The following ZFHX2 variants were observed in gnomAD, a reference collection of about 807,000 sequenced individuals.
ZFHX2 encodes zinc finger homeobox 2, also known as zinc finger homeobox protein 2.
A neutral mutation model predicts 164.8 loss-of-function variants in ZFHX2; 75 were observed. That is an observed-to-expected ratio of 0.46 (90% confidence interval 0.38 to 0.55). The LOEUF is 0.55. Among genes scored for constraint, ZFHX2 ranks in the 20% least tolerant of loss-of-function variants. ZFHX2 has a pLI of 0.00. For missense variants in ZFHX2, 2,933 were observed against 3,308.0 expected, an observed-to-expected ratio of 0.89 and a Z score of 2.78; for synonymous variants, 1,217 against 1,351.4, an observed-to-expected ratio of 0.90 and a Z score of 2.18.
At chr14:23,549,082 G>A (rs1881692832) in intron 1 of ZFHX2, among the ~76,000 whole-genome samples, 1 of 151,834 alleles carries the variant, frequency 6.6e-6, no homozygotes, top group African/African-American at 2.4e-5. Flanking sequence ...CTTTACTACT[G>A]TATTAATTTC....
In ZFHX2 at chr14:23,525,942, G is replaced by T. The variant is rs1448403794; in HGVS notation, c.4000C>A (p.Arg1334=). Reference sequence around the variant, plus strand: ...GGGGTGAAGAGAGGGGCTGGGAATCGGTGCAGGTCCAAGGGAGGTGGGGGA... The same window carrying T: ...GGGGTGAAGAGAGGGGCTGGGAATCTGTGCAGGTCCAAGGGAGGTGGGGGA... ...SPPPPPLDLH[R]FPAPLFTPPV... is the part of the protein sequence containing the mutation. The change falls in exon 9 of 10, where the codon CGA becomes AGA. Residue 1334 remains arginine (R), a synonymous_variant. Coordinates refer to ENST00000419474, the MANE Select transcript of ZFHX2 (RefSeq NM_033400.3). The surrounding 1 kb of genome is among the most constrained non-coding windows in gnomAD (Gnocchi z 5.9). 5 of 1,478,330 alleles carry T rather than the reference G, an allele frequency of 3.4e-6. No individual in the cohort carries two copies. The highest frequency in any genetic ancestry group is 4.5e-6 in the Non-Finnish European group (5 of 1,117,548). 91.6% of individuals were successfully genotyped at this position (1,478,330 alleles called of 1,614,324 possible). A position where few individuals can be genotyped will look rare whatever the true frequency, so the allele number is the denominator to read the frequency against.
chr14:23,523,138 G>T lies in ZFHX2; in HGVS notation c.6739+65C>A. ...GCATGGGAAGAATCAGGAAGGAAAA[G>T]GAAGGGCATGTCATTAGAGGGGGAT... is the stretch of plus-strand genomic sequence containing the variant. On this transcript the variant is annotated intron_variant, in intron 9 of 9. Transcript: ENST00000419474. The surrounding 1 kb of genome is among the most constrained non-coding windows in gnomAD (Gnocchi z 4.1). The T allele has an allele frequency of 7.1e-7, 1 of 1,402,204 alleles. No homozygotes were observed. The highest frequency in any genetic ancestry group is 9.2e-7 in the Non-Finnish European group (1 of 1,083,572). 86.9% of individuals were successfully genotyped at this position (1,402,204 alleles called of 1,614,324 possible).
rs1595127979 is a variant in ZFHX2, at chr14:23,521,866, G to A, written c.*96C>T. ...GTTCCTGTGAGGTGGGCGGGGCCAG[G>A]GGGTGGGGTGAGGGATTTGAGCTCC... On this transcript the variant is annotated 3_prime_UTR_variant, in exon 10 of 10. Transcript: ENST00000419474. 4 of 1,498,084 alleles carry A rather than the reference G, an allele frequency of 2.7e-6. No individual in the cohort carries two copies. Among genetic ancestry groups the A allele is most frequent in the East Asian group, 2.5e-5 (1 of 40,708 alleles). 92.8% of individuals were successfully genotyped at this position (1,498,084 alleles called of 1,614,324 possible). A position where few individuals can be genotyped will look rare whatever the true frequency, so the allele number is the denominator to read the frequency against.
upstream of ZFHX2, among the ~76,000 whole-genome samples, chr14:23,552,124 C>G (rs1009567952): frequency 6.6e-6 from 1 of 152,062 alleles, no homozygotes; most frequent in African/African-American, 2.4e-5. Flanking sequence ...TCCCCCATCT[C>G]CCCCCGCGAA....
At position 23,535,653 on chromosome 14, in the gene ZFHX2, C is replaced by T. The variant is rs943236562; in HGVS notation, c.-49-279G>A. 2.4e-4 allele frequency among the ~76,000 whole-genome samples: 36 copies of T among 151,966 alleles called. No individual in the cohort carries two copies. The highest frequency in any genetic ancestry group is 8.2e-4 in the African/African-American group (34 of 41,432). The stretch of plus-strand genomic sequence containing the variant: ...TGTTGCCCAGGATGGAGTGCAATGG[C>T]GTGATCTCGGCTCACCGCAACCTCC... On this transcript the variant is annotated intron_variant, in intron 1 of 9. Transcript: ENST00000419474. This position sits in a 1 kb window ranked among gnomAD's most constrained non-coding sequence, Gnocchi z 4.5.
At position 23,530,148 on chromosome 14, in the gene ZFHX2, T is replaced by C. The variant is rs1879342792; in HGVS notation, c.2847A>G (p.Lys949=). 1.3e-6 allele frequency: 2 copies of C among 1,535,990 alleles called. No individual in the cohort carries two copies. The highest frequency in any genetic ancestry group is 2.0e-5 in the Admixed American group (1 of 50,968). Reference sequence around the variant, plus strand: ...ATTGTTCTGTCTTGTTCTGGGCATCTTTCTCAGGGGTGGGTGGCTCAGCTA... The same window carrying C: ...ATTGTTCTGTCTTGTTCTGGGCATCCTTCTCAGGGGTGGGTGGCTCAGCTA... ...TPLAEPPTPE[K]DAQNKTEQLA... Residue 949 remains lysine, a synonymous_variant, in exon 5 of 10, where the codon AAA becomes AAG. Coordinates refer to ENST00000419474, the MANE Select transcript of ZFHX2 (RefSeq NM_033400.3).
rs772236782 is a variant in ZFHX2, at chr14:23,522,379, C to T, written c.7302G>A (p.Glu2434=). 2.6e-6 allele frequency: 4 copies of T among 1,536,248 alleles called. No individual in the cohort carries two copies. The South Asian group carries it at 3.6e-5, about 14-fold the overall frequency. Residue 2434 remains glutamate (E), a synonymous_variant, in exon 10 of 10, where the codon GAG becomes GAA. Transcript: ENST00000419474. ...PGEGEAGEVD[E]LLTGSTGIST... ...AGATGCCAGTGCTGCCTGTCAGCAGCTCATCAACCTCACCAGCTTCCCCCT... is the reference window on the plus strand; with the variant it reads ...AGATGCCAGTGCTGCCTGTCAGCAGTTCATCAACCTCACCAGCTTCCCCCT...
chr14:23,539,048 CT>C (rs1880504627), intron 1 of ZFHX2, among the ~76,000 whole-genome samples: 1 of 152,108 alleles, frequency 6.6e-6, no homozygotes, highest in Admixed American at 6.5e-5. Flanking sequence ...TAGTCATCCC[CT>C]GAGATGAATC....
At chr14:23,526,705 TGAG>T in intron 8 of ZFHX2, 26 bp from the exon 9 acceptor site, 1 of 1,535,628 alleles carries the variant, frequency 6.5e-7, no homozygotes, top group African/African-American at 1.4e-5. Flanking sequence ...GAAAGTACAA[TGAG>T]GAGGGAACTT....
rs1165513091 is a variant in ZFHX2, at chr14:23,533,898, G to A, written c.1428C>T (p.His476=). The A allele has an allele frequency of 2.0e-6, 3 of 1,538,064 alleles. No individual in the cohort carries two copies. The highest frequency in any genetic ancestry group is 2.6e-6 in the Non-Finnish European group (3 of 1,147,204). The part of the protein sequence containing the change: ...QTLDVHMREK[H]PESNSHCSYC... ...AGCTGCAGTGACTGTTGCTCTCAGG[G>A]TGCTTCTCTCGCATGTGCACATCCA... Residue 476 remains histidine (H), a synonymous_variant, in exon 2 of 10, where the codon CAC becomes CAT. Coordinates refer to ENST00000419474, the MANE Select transcript of ZFHX2 (RefSeq NM_033400.3). This position sits in a 1 kb window ranked among gnomAD's most constrained non-coding sequence, Gnocchi z 4.8.
intron 3 of ZFHX2, chr14:23,532,347 G>A (rs1420273896): frequency 1.1e-5 from 6 of 528,584 alleles, no homozygotes; most frequent in African/African-American, 1.9e-5. Flanking sequence ...CAGAAGAGCT[G>A]AATAAAGTCT....
chr14:23,526,369 A>C lies in ZFHX2; in HGVS notation c.3573T>G (p.Tyr1191Ter). The C allele has an allele frequency of 6.5e-7, 1 of 1,536,318 alleles. No individual in the cohort carries two copies. The highest frequency in any genetic ancestry group is 8.7e-7 in the Non-Finnish European group (1 of 1,146,900). Residue 1191 changes from tyrosine (Y) to a stop codon, truncating the protein, a stop_gained, in exon 9 of 10, where the codon TAT becomes TAG. Transcript: ENST00000419474. LOFTEE classifies it high-confidence loss of function. ...AGGACTCCTTACACACAGTGCACTT[A>C]TAGGGCCGGGCAGGGTCGAGAAACT... ...LDKFLDPARP[Y>*]KCTVCKESFT... is the part of the protein sequence containing the mutation.
chr14:23,523,381 C>T lies in ZFHX2; in HGVS notation c.6561G>A (p.Lys2187=). 6.7e-7 allele frequency: 1 copy of T among 1,494,830 alleles called. No homozygotes were observed. Among genetic ancestry groups the T allele is most frequent in the Non-Finnish European group, 8.9e-7 (1 of 1,125,838 alleles). 92.6% of individuals were successfully genotyped at this position (1,494,830 alleles called of 1,614,324 possible). The change falls in exon 9 of 10, where the codon AAG becomes AAA. Residue 2187 remains lysine (K), a synonymous_variant. Transcript: ENST00000419474. The surrounding 1 kb of genome is among the most constrained non-coding windows in gnomAD (Gnocchi z 4.1). ...AVRAQLKSES[K]CYDLAPAPEA... ...CAGGTGCTGGGGCCAAGTCGTAGCA[C>T]TTGCTTTCACTCTTCAGCTGGGCTC...
chr14:23,527,593 C>T lies in ZFHX2; in HGVS notation c.3135+11G>A. On this transcript the variant is annotated intron_variant, in intron 7 of 9. Transcript: ENST00000419474. The stretch of plus-strand genomic sequence containing the variant: ...GTCTTGTTGTACCGTCCTCACCCAG[C>T]CTGTACTCACTACAAGCAGCAGCTT... 6.5e-7 allele frequency: 1 copy of T among 1,536,692 alleles called. No homozygotes were observed. Among genetic ancestry groups the T allele is most frequent in the South Asian group, 1.2e-5 (1 of 84,064 alleles).
intron 6 of ZFHX2, chr14:23,529,484 G>A: frequency 1.8e-6 from 1 of 542,262 alleles, no homozygotes. Flanking sequence ...TCAAGTTCCT[G>A]CTGTCTCCCT....
chr14:23,524,302 G>A lies in ZFHX2; in HGVS notation c.5640C>T (p.Ser1880=). The A allele has an allele frequency of 6.5e-7, 1 of 1,536,372 alleles. No homozygotes were observed. Among genetic ancestry groups the A allele is most frequent in the Non-Finnish European group, 8.7e-7 (1 of 1,146,960 alleles). ...AGTCGAGCATCTTGCGTGTTGGGTTGGAATCCTGCATGTACCAACGGTACA... is the reference window on the plus strand; with the variant it reads ...AGTCGAGCATCTTGCGTGTTGGGTTAGAATCCTGCATGTACCAACGGTACA... ...EILYRWYMQD[S]NPTRKMLDCI... Residue 1880 remains serine, a synonymous_variant, in exon 9 of 10, where the codon TCC becomes TCT. Transcript: ENST00000419474. The surrounding 1 kb of genome is among the most constrained non-coding windows in gnomAD (Gnocchi z 5.6).
Position 23,527,816 on chromosome 14 carries a change from A to T in ZFHX2, c.2935-12T>A. 1 of 1,534,516 alleles carries T rather than the reference A, an allele frequency of 6.5e-7. No homozygotes were observed. The highest frequency in any genetic ancestry group is 8.7e-7 in the Non-Finnish European group (1 of 1,146,440). ...GGACAGCAGTATACCTGGAGGGAAC[A>T]TATGGGCAGTGGACGAAGTGTCAGG... is the stretch of plus-strand genomic sequence containing the variant. On this transcript the variant is annotated splice_polypyrimidine_tract_variant and intron_variant, in intron 6 of 9. Coordinates refer to ENST00000419474, the MANE Select transcript of ZFHX2 (RefSeq NM_033400.3).
At chr14:23,536,865 C>T (rs536230253) in intron 1 of ZFHX2, among the ~76,000 whole-genome samples, 10 of 152,298 alleles carry the variant, frequency 6.6e-5, no homozygotes, top group East Asian at 1.9e-4. Context: ...AGTCTGGGCA[C>T]GGTGGCTCAC....
Position 23,532,743 on chromosome 14 carries a change from C to A in ZFHX2, c.2383G>T (p.Gly795Trp). 1.3e-6 allele frequency: 2 copies of A among 1,536,108 alleles called. No individual in the cohort carries two copies. The highest frequency in any genetic ancestry group is 8.7e-7 in the Non-Finnish European group (1 of 1,146,862). Reference sequence around the variant, plus strand: ...GAAGGGGTGCCCATGGCTCCACCCCCCTCCCGCAGGTGGGCTGCCAGCTGG... The same window carrying A: ...GAAGGGGTGCCCATGGCTCCACCCCACTCCCGCAGGTGGGCTGCCAGCTGG... ...KYQLAAHLREGGGAMGTPSPA... is the reference protein window; with the variant it reads ...KYQLAAHLREWGGAMGTPSPA... Residue 795 changes from glycine (G) to tryptophan (W), a missense_variant, in exon 3 of 10, where the codon GGG (glycine) becomes TGG (tryptophan). Transcript: ENST00000419474.
Sources: allele counts gnomAD v4.1 joint callset (sites outside exome capture counted in the v4.1 genomes callset), GRCh38; gene constraint gnomAD v4.1.1; non-coding constraint Gnocchi (gnomAD v3.1); transcripts MANE v1.5; gene names NCBI Gene and HGNC (gene_info 2026-07-23, HGNC 2026-07-21).